The following PCDHGB5 variants were observed in gnomAD, a reference collection of about 807,000 sequenced individuals.
The protein encoded by PCDHGB5 is protocadherin gamma-B5.
A neutral mutation model predicts 62.9 loss-of-function variants in PCDHGB5; 48 were observed. That is an observed-to-expected ratio of 0.76 (90% CI 0.61 to 0.97). The LOEUF is 0.97. Ranked by LOEUF, PCDHGB5 falls within the 50% of genes least tolerant of loss-of-function variation. PCDHGB5 has a pLI of 0.00. For synonymous variants in PCDHGB5, 474 were observed against 511.2 expected (o/e 0.93, Z 0.98); for missense variants, 1,118 against 1,198.6 (o/e 0.93, Z 0.99).
Position 141,477,932 on chromosome 5 carries a change from C to T in PCDHGB5, c.2398-16875C>T. 1 of 1,614,158 alleles carries T rather than the reference C, an allele frequency of 6.2e-7. No homozygotes were observed. The highest frequency in any genetic ancestry group is 8.5e-7 in the Non-Finnish European group (1 of 1,180,034). ...CGCGGATGCAGGGCACAATGCCTGGCTCTCCTACAGTCTCTTGGGATCCCC... is the reference window on the plus strand; with the variant it reads ...CGCGGATGCAGGGCACAATGCCTGGTTCTCCTACAGTCTCTTGGGATCCCC... On this transcript the variant is annotated intron_variant, in intron 1 of 3. Coordinates refer to ENST00000617380, the MANE Select transcript of PCDHGB5 (RefSeq NM_018925.3). This position sits in a 1 kb window ranked among gnomAD's most constrained non-coding sequence, Gnocchi z 4.9.
rs777856819 is a variant in PCDHGB5, at chr5:141,487,572, T to A, written c.2398-7235T>A. On this transcript the variant is annotated intron_variant, in intron 1 of 3. Coordinates refer to ENST00000617380, the MANE Select transcript of PCDHGB5 (RefSeq NM_018925.3). The surrounding 1 kb of genome is among the most constrained non-coding windows in gnomAD (Gnocchi z 5.0). ...AGTGCACCTATGGCAGGGGAGCCTG[T>A]TCGCCCAAGCTGCCCACCCTCTGAT... 1 of 1,614,168 alleles carries A rather than the reference T, an allele frequency of 6.2e-7. No individual in the cohort carries two copies. Among genetic ancestry groups the A allele is most frequent in the Non-Finnish European group, 8.5e-7 (1 of 1,180,034 alleles).
At chr5:141,407,124 T>C (rs1409043654) in intron 1 of PCDHGB5, among the ~76,000 whole-genome samples, 1 of 152,242 alleles carries the variant, frequency 6.6e-6, no homozygotes, top group Non-Finnish European at 1.5e-5. Flanking sequence ...TTTCAGTTGC[T>C]TTATTTTTAA....
rs757333940 is a variant in PCDHGB5, at chr5:141,404,777, T to A, written c.2397+4253T>A. The A allele has an allele frequency of 7.4e-6, 12 of 1,613,404 alleles. 1 individual carries two copies. In the South Asian group the frequency reaches 1.3e-4, roughly 18 times the overall value. ...GAATGCTTGGCTCTCCTACCGCCTA[T>A]TCAAGGCCAGTGAGCCAGGGCTCTT... On this transcript the variant is annotated intron_variant, in intron 1 of 3. Transcript: ENST00000617380.
intron 1 of PCDHGB5, chr5:141,410,361 G>A: frequency 1.9e-6 from 3 of 1,614,034 alleles, no homozygotes; most frequent in Non-Finnish European, 2.5e-6. Context: ...CGCTCTCTCA[G>A]CCCTGCTACT....
At chr5:141,405,505 C>A in intron 1 of PCDHGB5, 2 of 751,126 alleles carry the variant, frequency 2.7e-6, no homozygotes, top group Non-Finnish European at 4.2e-6. Context: ...TTGCAACCTC[C>A]GCCTCCCAAA....
At chr5:141,409,830 G>T in intron 1 of PCDHGB5, 1 of 1,611,250 alleles carries the variant, frequency 6.2e-7, no homozygotes, top group South Asian at 1.1e-5. Flanking sequence ...CCCACGCTCA[G>T]CGCCAACGTG....
At chr5:141,458,820 C>T (rs2098954225) in intron 1 of PCDHGB5, among the ~76,000 whole-genome samples, 1 of 152,070 alleles carries the variant, frequency 6.6e-6, no homozygotes, top group African/African-American at 2.4e-5. Flanking sequence ...GCAACCTCTG[C>T]CTCCCAGGCT....
intron 1 of PCDHGB5, chr5:141,404,534 T>A: frequency 6.2e-7 from 1 of 1,613,954 alleles, no homozygotes; most frequent in Non-Finnish European, 8.5e-7. Context: ...GTTTAGAGAT[T>A]TGCAAATGCA....
chr5:141,512,395 C>T lies in PCDHGB5; in HGVS notation c.*1222C>T, dbSNP rs1229077213. ...ACCAAATGAACAGAAAGTCTCAGCCCAGGATGGGGCTTCTTCAACAGGGCC... is the reference window on the plus strand; with the variant it reads ...ACCAAATGAACAGAAAGTCTCAGCCTAGGATGGGGCTTCTTCAACAGGGCC... On this transcript the variant is annotated 3_prime_UTR_variant, in exon 4 of 4. Coordinates refer to ENST00000617380, the MANE Select transcript of PCDHGB5 (RefSeq NM_018925.3). 1 of 152,690 alleles carries T rather than the reference C, an allele frequency of 6.5e-6. No individual in the cohort carries two copies. Among genetic ancestry groups the T allele is most frequent in the Non-Finnish European group, 1.5e-5 (1 of 68,072 alleles). The allele number at this position is 152,690 out of a possible 1,614,324, so 9.5% of individuals were successfully genotyped here.
In PCDHGB5 at chr5:141,400,168, C is replaced by T. The variant is rs1042097050; in HGVS notation, c.2041C>T (p.Gln681Ter). The T allele has an allele frequency of 3.1e-6, 5 of 1,614,088 alleles. No homozygotes were observed. Among genetic ancestry groups the T allele is most frequent in the Non-Finnish European group, 4.2e-6 (5 of 1,179,906 alleles). ...ITDRPVPSDPQAELQFYLVVA... is the reference protein window; with the variant it reads ...ITDRPVPSDP ...TGACCGCCCTGTACCCTCTGACCCC[C>T]AGGCTGAGCTGCAGTTTTACCTAGT... The change falls in exon 1 of 4, where the codon CAG (glutamine) becomes TAG (stop). Residue 681 changes from glutamine to a stop codon, truncating the protein, a stop_gained. Coordinates refer to ENST00000617380, the MANE Select transcript of PCDHGB5 (RefSeq NM_018925.3). LOFTEE classifies it high-confidence loss of function.
chr5:141,510,862 C>CATTCA, intron 3 of PCDHGB5, 85 bp from the exon 4 acceptor site: 1 of 1,606,772 alleles, frequency 6.2e-7, no homozygotes, highest in South Asian at 1.1e-5. Flanking sequence ...GCTGTATAGG[C>CATTCA]ATTCATTAAC....
rs1456184444 is a variant in PCDHGB5, at chr5:141,512,578, C to G, written c.*1405C>G. ...ATAGACCTTCTTCTCCCACCCCCTT[C>G]TGCCCCTGGGTCCCCGGCCATCCAG... On this transcript the variant is annotated 3_prime_UTR_variant, in exon 4 of 4. Coordinates refer to ENST00000617380, the MANE Select transcript of PCDHGB5 (RefSeq NM_018925.3). The G allele has an allele frequency of 6.5e-6, 1 of 153,062 alleles. No individual in the cohort carries two copies. The highest frequency in any genetic ancestry group is 1.5e-5 in the Non-Finnish European group (1 of 68,534). 9.5% of individuals were successfully genotyped at this position (153,062 alleles called of 1,614,324 possible). A position where few individuals can be genotyped will look rare whatever the true frequency, so the allele number is the denominator to read the frequency against.
At chr5:141,427,944 A>C (rs780874108) in intron 1 of PCDHGB5, 63 of 1,586,294 alleles carry the variant, frequency 4.0e-5, no homozygotes, top group Non-Finnish European at 8.6e-6. Context: ...GGGCGACCTC[A>C]ATGACAATGT....
Position 141,491,897 on chromosome 5 carries a change from C to G in PCDHGB5, c.2398-2910C>G. The stretch of plus-strand genomic sequence containing the variant: ...GATTAAGGGATGGGGCTCCGAGCAC[C>G]GGGGGTGGTGGCGACTGTGGGCGAG... On this transcript the variant is annotated intron_variant, in intron 1 of 3. Transcript: ENST00000617380. This position sits in a 1 kb window ranked among gnomAD's most constrained non-coding sequence, Gnocchi z 6.9. 7 of 1,432,534 alleles carry G rather than the reference C, an allele frequency of 4.9e-6. No homozygotes were observed. The highest frequency in any genetic ancestry group is 6.5e-6 in the Non-Finnish European group (7 of 1,082,898). 88.7% of individuals were successfully genotyped at this position (1,432,534 alleles called of 1,614,324 possible).
intron 1 of PCDHGB5, chr5:141,408,940 A>G: frequency 1.2e-6 from 2 of 1,613,658 alleles, no homozygotes; most frequent in Non-Finnish European, 1.7e-6. Context: ...GCAGAGACGA[A>G]TATAGAATTA....
intron 1 of PCDHGB5, chr5:141,408,732 A>AT: frequency 2.5e-6 from 4 of 1,610,016 alleles, no homozygotes; most frequent in Non-Finnish European, 3.4e-6. Context: ...TCTAATCCTT[A>AT]TTTTTCATTA....
intron 1 of PCDHGB5, among the ~76,000 whole-genome samples, chr5:141,494,392 A>C (rs1296077484): frequency 1.3e-5 from 2 of 152,258 alleles, no homozygotes; most frequent in East Asian, 3.9e-4. Flanking sequence ...GAGTTGAATA[A>C]ATTCATTCTA....
chr5:141,495,873 C>G (rs2099764359), intron 2 of PCDHGB5, among the ~76,000 whole-genome samples: 1 of 152,146 alleles, frequency 6.6e-6, no homozygotes, highest in Admixed American at 6.6e-5. Flanking sequence ...CTGCTTTCCT[C>G]TCTGTTCTTT....
intron 1 of PCDHGB5, among the ~76,000 whole-genome samples, chr5:141,407,479 T>C (rs1042229151): frequency 1.4e-5 from 2 of 144,060 alleles, no homozygotes; most frequent in East Asian, 1.9e-4. Context: ...GAATGGAGTA[T>C]GGAAAATCTT....
Sources: gnomAD v4.1 joint callset for allele counts (sites outside exome capture counted in the v4.1 genomes callset) on GRCh38, gnomAD v4.1.1 for gene constraint, Gnocchi (gnomAD v3.1) non-coding constraint, MANE v1.5 for transcripts, NCBI Gene and HGNC (gene_info 2026-07-23, HGNC 2026-07-21) for gene names.